L3MBTL4: variants seen among roughly 807,000 people sequenced by gnomAD.
L3MBTL4 encodes lethal(3)malignant brain tumor-like protein 4.
Under a neutral mutation model 84.5 loss-of-function variants are expected in L3MBTL4, and 70 were observed. The ratio of observed to expected loss-of-function variants is 0.83; its 90% CI spans 0.68 to 1.01. The LOEUF (loss-of-function observed/expected upper bound fraction) is 1.01. L3MBTL4 is among the 50% of genes least tolerant of loss of function. L3MBTL4 has a pLI of 0.00. For missense variants in L3MBTL4, 715 were observed against 754.8 expected, an observed-to-expected ratio of 0.95 and a Z score of 0.62; for synonymous variants, 274 against 259.8, an observed-to-expected ratio of 1.05 and a Z score of -0.52.
chr18:6,224,647 C>A (rs1477955827), intron 10 of L3MBTL4, among the ~76,000 whole-genome samples: 1 of 152,174 alleles, frequency 6.6e-6, no homozygotes, highest in Non-Finnish European at 1.5e-5. Flanking sequence ...CCAAGTCATC[C>A]ATTCTCACCA....
At chr18:6,200,404 T>A (rs1358406382) in intron 12 of L3MBTL4, among the ~76,000 whole-genome samples, 1 of 152,180 alleles carries the variant, frequency 6.6e-6, no homozygotes, top group East Asian at 1.9e-4. Flanking sequence ...CCAAGTGAAG[T>A]AGGCCACACT....
intron 16 of L3MBTL4, among the ~76,000 whole-genome samples, chr18:5,980,067 G>A (rs546281275): frequency 1.3e-5 from 2 of 152,228 alleles, no homozygotes; most frequent in Non-Finnish European, 2.9e-5. Flanking sequence ...CCCTGGCACA[G>A]AGCTCAGCAC....
intron 14 of L3MBTL4, among the ~76,000 whole-genome samples, chr18:6,130,600 T>C (rs892841658): frequency 6.6e-6 from 1 of 152,164 alleles, no homozygotes; most frequent in Non-Finnish European, 1.5e-5. Context: ...GTAAATAATA[T>C]AATTATTGGT....
intron 16 of L3MBTL4, among the ~76,000 whole-genome samples, chr18:6,053,201 A>G (rs1269808976): frequency 6.6e-6 from 1 of 152,204 alleles, no homozygotes; most frequent in Non-Finnish European, 1.5e-5. Flanking sequence ...TGCATAGCTA[A>G]AATACTAATT....
intron 5 of L3MBTL4, among the ~76,000 whole-genome samples, chr18:6,247,465 G>GTTTTTTTTTTTTTTTTTTTTT (rs2047718072): frequency 1.2e-5 from 1 of 84,858 alleles, no homozygotes; most frequent in African/African-American, 6.9e-5. Flanking sequence ...CCCCTCCTCT[G>GTTTTTTTTTTTTTTTTTTTTT]ATTTTTTTTT....
chr18:6,006,229 G>A (rs1176206153), intron 16 of L3MBTL4, among the ~76,000 whole-genome samples: 3 of 152,176 alleles, frequency 2.0e-5, no homozygotes, highest in Admixed American at 2.0e-4. Flanking sequence ...CGAACACTGA[G>A]TATGTATAAG....
intron 15 of L3MBTL4, among the ~76,000 whole-genome samples, chr18:6,092,814 C>T (rs910802725): frequency 6.6e-6 from 1 of 152,146 alleles, no homozygotes; most frequent in Admixed American, 6.5e-5. Context: ...AAAATGAGAA[C>T]TGGTATTTAG....
chr18:6,217,290 C>T (rs1199309413), intron 10 of L3MBTL4, among the ~76,000 whole-genome samples: 1 of 152,118 alleles, frequency 6.6e-6, no homozygotes, highest in Non-Finnish European at 1.5e-5. Context: ...GGCACCATAC[C>T]ACCCTCCTCA....
At chr18:6,287,549 T>A (rs2049651744) in intron 4 of L3MBTL4, among the ~76,000 whole-genome samples, 1 of 152,184 alleles carries the variant, frequency 6.6e-6, no homozygotes, top group Non-Finnish European at 1.5e-5. Flanking sequence ...AGAAAATCAT[T>A]TTGATCGCTG....
intron 4 of L3MBTL4, among the ~76,000 whole-genome samples, chr18:6,266,547 T>C (rs1796010356): frequency 6.6e-6 from 1 of 152,160 alleles, no homozygotes; most frequent in Non-Finnish European, 1.5e-5. Flanking sequence ...TTGAAACCTC[T>C]CGAGACAATA....
At chr18:6,032,367 C>T (rs1434354491) in intron 16 of L3MBTL4, 8 of 776,868 alleles carry the variant, frequency 1.0e-5, no homozygotes, top group Admixed American at 6.6e-5. Flanking sequence ...ATGGAATCTG[C>T]GTTTTCATGA....
chr18:6,270,837 T>C (rs1162515323), intron 4 of L3MBTL4, among the ~76,000 whole-genome samples: 1 of 152,216 alleles, frequency 6.6e-6, no homozygotes, highest in Non-Finnish European at 1.5e-5. Flanking sequence ...TTTAATCTTA[T>C]GGTTTAGAGA....
chr18:6,165,750 G>A lies in L3MBTL4; in HGVS notation c.1096+6078C>T, dbSNP rs1440748222. On this transcript the variant is annotated intron_variant, in intron 13 of 18. Coordinates refer to ENST00000317931, the MANE Select transcript of L3MBTL4 (RefSeq NM_001330559.2). ...CATGCCAAATTGTAAAGACCATCAA[G>A]GCTAGGAAGAAACTGCATCAACTAA... Among the ~76,000 whole-genome samples the A allele has an allele frequency of 5.9e-5, 9 of 152,206 alleles. No homozygotes were observed. In the South Asian group the frequency reaches 1.9e-3, roughly 32 times the overall value.
intron 12 of L3MBTL4, among the ~76,000 whole-genome samples, chr18:6,197,214 G>A (rs623485): frequency 3.3e-5 from 5 of 152,302 alleles, no homozygotes. Flanking sequence ...CCATCACCTA[G>A]GTATTAAGCA....
chr18:5,995,187 A>G (rs556199342), intron 16 of L3MBTL4, among the ~76,000 whole-genome samples: 9 of 152,388 alleles, frequency 5.9e-5, no homozygotes, highest in Admixed American at 5.9e-4. Flanking sequence ...AGCGGCGACC[A>G]CGCCATGCAG....
At chr18:6,295,515 C>G (rs2050071968) in intron 4 of L3MBTL4, among the ~76,000 whole-genome samples, 1 of 151,706 alleles carries the variant, frequency 6.6e-6, no homozygotes, top group African/African-American at 2.4e-5. Context: ...ACGAATTCAC[C>G]CAAAAGAGAC....
chr18:5,968,953 G>A (rs1320978030), intron 17 of L3MBTL4, among the ~76,000 whole-genome samples: 2 of 152,108 alleles, frequency 1.3e-5, no homozygotes, highest in Non-Finnish European at 2.9e-5. Context: ...AAGACCACAG[G>A]GCAACTGGCA....
intron 1 of L3MBTL4, among the ~76,000 whole-genome samples, chr18:6,332,384 T>C (rs2052084624): frequency 6.6e-6 from 1 of 152,176 alleles, no homozygotes; most frequent in Non-Finnish European, 1.5e-5. Flanking sequence ...CCCAACATCC[T>C]CTTTCTTTGT....
intron 16 of L3MBTL4, among the ~76,000 whole-genome samples, chr18:6,019,933 C>G (rs1172382809): frequency 6.6e-6 from 1 of 152,254 alleles, no homozygotes; most frequent in Non-Finnish European, 1.5e-5. Context: ...GGAGGCATGT[C>G]CTCTTGTCCA....
Sources: allele counts gnomAD v4.1 joint callset (sites outside exome capture counted in the v4.1 genomes callset), GRCh38; gene constraint gnomAD v4.1.1; transcripts MANE v1.5; gene names NCBI Gene and HGNC (gene_info 2026-07-23, HGNC 2026-07-21).